WWOX: variants seen among roughly 807,000 people sequenced by gnomAD.
The protein encoded by WWOX is WW domain containing oxidoreductase.
In WWOX, 69 loss-of-function variants were observed where a neutral mutation model predicts 46.2. The observed-to-expected ratio is 1.49, with a 90% CI of 1.23 to 1.82. The LOEUF (loss-of-function observed/expected upper bound fraction) is 1.82, where lower values mean the gene tolerates loss of function less well. Among genes scored for constraint, WWOX ranks in the 40% most tolerant of loss-of-function variants. The pLI, the probability that WWOX is intolerant of heterozygous loss-of-function variation, is 0.00. For synonymous variants in WWOX, 359 were observed against 202.6 expected, an observed-to-expected ratio of 1.77 and a Z score of -6.56; for missense variants, 919 against 542.6, an observed-to-expected ratio of 1.69 and a Z score of -6.89.
At position 79,212,048 on chromosome 16, in the gene WWOX, G is replaced by T; in HGVS notation, c.*252G>T. The T allele has an allele frequency of 1.3e-6, 2 of 1,536,360 alleles. No homozygotes were observed. Among genetic ancestry groups the T allele is most frequent in the Non-Finnish European group, 1.7e-6 (2 of 1,146,928 alleles). ...CTTTCTGGTGGTGGCCTGTTTGAAA[G>T]TAAAAACCTGCTTGGTGTGTAGGTT... On this transcript the variant is annotated 3_prime_UTR_variant, in exon 9 of 9. Coordinates refer to ENST00000566780, the MANE Select transcript of WWOX (RefSeq NM_016373.4).
chr16:79,052,337 A>G (rs895514072), intron 8 of WWOX, among the ~76,000 whole-genome samples: 35 of 152,172 alleles, frequency 2.3e-4, no homozygotes, highest in Admixed American at 1.2e-3. Context: ...ATGATTTCCA[A>G]TTTCATCCAT....
At chr16:78,198,247 C>G (rs2036119436) in intron 5 of WWOX, among the ~76,000 whole-genome samples, 1 of 152,064 alleles carries the variant, frequency 6.6e-6, no homozygotes, top group African/African-American at 2.4e-5. Context: ...TAGGACATCC[C>G]CAGCATTCAA....
chr16:79,008,661 C>T (rs1019775665), intron 8 of WWOX, among the ~76,000 whole-genome samples: 2 of 152,184 alleles, frequency 1.3e-5, no homozygotes, highest in Non-Finnish European at 2.9e-5. Flanking sequence ...CTCCCGACAC[C>T]AGGTCATACT....
intron 7 of WWOX, among the ~76,000 whole-genome samples, chr16:78,427,555 C>G (rs1049824998): frequency 6.6e-6 from 1 of 152,038 alleles, no homozygotes; most frequent in Non-Finnish European, 1.5e-5. Flanking sequence ...CACACACACA[C>G]ACGGAGTTTC....
chr16:78,437,607 G>A (rs920194023), intron 8 of WWOX, among the ~76,000 whole-genome samples: 1 of 152,200 alleles, frequency 6.6e-6, no homozygotes, highest in African/African-American at 2.4e-5. Context: ...CTGGACAAGT[G>A]TATTGGGGCG....
At chr16:79,170,014 C>T (rs184249195) in intron 8 of WWOX, among the ~76,000 whole-genome samples, 3 of 152,140 alleles carry the variant, frequency 2.0e-5, no homozygotes, top group Non-Finnish European at 2.9e-5. Context: ...AGGACACCTT[C>T]ATTACCCCTC....
chr16:78,782,478 T>G (rs1018061807), intron 8 of WWOX, among the ~76,000 whole-genome samples: 14 of 152,046 alleles, frequency 9.2e-5, no homozygotes, highest in African/African-American at 3.4e-4. Context: ...TTCTAAATAC[T>G]CTCCCAGAGT....
chr16:78,820,349 C>A (rs903566644), intron 8 of WWOX, among the ~76,000 whole-genome samples: 1 of 152,114 alleles, frequency 6.6e-6, no homozygotes, highest in African/African-American at 2.4e-5. Context: ...GGAAGTGGTG[C>A]CCTGAATACG....
rs56068458 is a variant in WWOX at position 79,088,571 on chromosome 16, G to T, written c.1057-123037G>T. ...AAAGAAATGCGATGTTTTCTATGGG[G>T]GTTTCTTTTTGAAACTAAAAGAGGT... is the stretch of plus-strand genomic sequence containing the variant. On this transcript the variant is annotated intron_variant, in intron 8 of 8. Coordinates refer to ENST00000566780, the MANE Select transcript of WWOX (RefSeq NM_016373.4). Among the ~76,000 whole-genome samples, 1,041 of 152,208 alleles carry T rather than the reference G, an allele frequency of 6.8e-3. 9 individuals carry two copies. Among genetic ancestry groups the T allele is most frequent in the Non-Finnish European group, 0.012 (821 of 68,020 alleles).
intron 8 of WWOX, among the ~76,000 whole-genome samples, chr16:78,562,555 G>A (rs1472494457): frequency 3.3e-5 from 5 of 152,106 alleles, no homozygotes; most frequent in African/African-American, 1.2e-4. Context: ...TCTGCCCTTG[G>A]CATTGCACGT....
At chr16:78,389,268 G>A (rs1408013546) in intron 6 of WWOX, among the ~76,000 whole-genome samples, 1 of 152,202 alleles carries the variant, frequency 6.6e-6, no homozygotes, top group Non-Finnish European at 1.5e-5. Context: ...TCGCTGATTT[G>A]CTTCGTCATT....
intron 8 of WWOX, among the ~76,000 whole-genome samples, chr16:78,599,003 G>A (rs1195961634): frequency 1.3e-5 from 2 of 152,276 alleles, no homozygotes; most frequent in Admixed American, 1.3e-4. Context: ...CGGCATTGAG[G>A]TCAAGACTGG....
intron 8 of WWOX, among the ~76,000 whole-genome samples, chr16:78,965,104 G>C (rs2046340426): frequency 6.6e-6 from 1 of 152,232 alleles, no homozygotes; most frequent in South Asian, 2.1e-4. Context: ...GGGAAATGTA[G>C]GGCTGGAGCC....
intron 8 of WWOX, among the ~76,000 whole-genome samples, chr16:78,556,764 G>A (rs1362286365): frequency 6.6e-6 from 1 of 152,048 alleles, no homozygotes; most frequent in African/African-American, 2.4e-5. Flanking sequence ...TGCCCAGCCT[G>A]GAGTGAAGTG....
chr16:78,640,890 G>C (rs961798738), intron 8 of WWOX, among the ~76,000 whole-genome samples: 2 of 145,884 alleles, frequency 1.4e-5, no homozygotes, highest in African/African-American at 5.1e-5. Context: ...AGTGAGCCGA[G>C]ATCATGCCAC....
intron 4 of WWOX, among the ~76,000 whole-genome samples, chr16:78,122,900 C>T (rs776711399): frequency 2.5e-4 from 38 of 152,102 alleles, no homozygotes; most frequent in Non-Finnish European, 3.2e-4. Flanking sequence ...CCACCATGCC[C>T]GGGGGTGTTG....
At chr16:79,070,733 T>C (rs2048534713) in intron 8 of WWOX, among the ~76,000 whole-genome samples, 1 of 152,218 alleles carries the variant, frequency 6.6e-6, no homozygotes, top group Admixed American at 6.5e-5. Flanking sequence ...AAGTGGATAA[T>C]TCAAATGAAT....
intron 8 of WWOX, among the ~76,000 whole-genome samples, chr16:78,922,874 A>T (rs996100207): frequency 6.6e-6 from 1 of 152,214 alleles, no homozygotes; most frequent in African/African-American, 2.4e-5. Context: ...ATAAGGGCTT[A>T]TTAATCATAC....
At chr16:78,982,036 C>T (rs1214526117) in intron 8 of WWOX, among the ~76,000 whole-genome samples, 6 of 152,122 alleles carry the variant, frequency 3.9e-5, no homozygotes. Flanking sequence ...GGGCTCTGGA[C>T]CTATGCTGGG....
Sources: gnomAD v4.1 joint callset for allele counts (sites outside exome capture counted in the v4.1 genomes callset) on GRCh38, gnomAD v4.1.1 for gene constraint, MANE v1.5 for transcripts, NCBI Gene and HGNC (gene_info 2026-07-23, HGNC 2026-07-21) for gene names.